Variants in CLCN3 observed in about 807,000 individuals in gnomAD.
The protein encoded by CLCN3 is Cl-/H+ antiporter 3.
In CLCN3, 16 loss-of-function variants were observed where a neutral mutation model predicts 83.4. The observed-to-expected ratio is 0.19, with a 90% CI of 0.13 to 0.29. The LOEUF is 0.29. Ranked by LOEUF, CLCN3 falls within the 10% of genes least tolerant of loss-of-function variation. The probability of loss-of-function intolerance (pLI) is 1.00; values close to 1 mark genes in which losing one functional copy is unlikely to be tolerated. For synonymous variants in CLCN3, 322 were observed against 346.2 expected, an observed-to-expected ratio of 0.93 and a Z score of 0.78; for missense variants, 544 against 1,006.0, an observed-to-expected ratio of 0.54 and a Z score of 6.21.
At chr4:169,675,934 A>G (rs1302626898) in intron 2 of CLCN3, among the ~76,000 whole-genome samples, 1 of 152,182 alleles carries the variant, frequency 6.6e-6, no homozygotes, top group African/African-American at 2.4e-5. Flanking sequence ...AGCTGTCTCT[A>G]TGGTTCTATG....
chr4:169,631,675 G>A (rs1035269957), intron 1 of CLCN3, among the ~76,000 whole-genome samples: 2 of 152,066 alleles, frequency 1.3e-5, no homozygotes, highest in South Asian at 2.1e-4. Flanking sequence ...TTTGTCAGAC[G>A]TTAGCTAGAT....
chr4:169,623,745 A>C (rs1159351503), intron 1 of CLCN3, among the ~76,000 whole-genome samples: 1 of 151,302 alleles, frequency 6.6e-6, no homozygotes, highest in African/African-American at 2.4e-5. Flanking sequence ...TAGATTTTAC[A>C]CATATGTGAG....
intron 2 of CLCN3, among the ~76,000 whole-genome samples, chr4:169,644,913 G>C (rs1006919658): frequency 6.6e-6 from 1 of 152,112 alleles, no homozygotes; most frequent in Non-Finnish European, 1.5e-5. Context: ...GCCATAATCC[G>C]AGGAATGAAA....
intron 2 of CLCN3, among the ~76,000 whole-genome samples, chr4:169,636,881 C>T (rs10023330): frequency 0.24 from 35,695 of 151,448 alleles, 4,391 homozygotes; most frequent in South Asian, 0.31. Flanking sequence ...ATATGTATAT[C>T]TCAGCATTAT....
intron 1 of CLCN3, among the ~76,000 whole-genome samples, chr4:169,634,973 G>T (rs1281552879): frequency 1.3e-5 from 2 of 152,130 alleles, no homozygotes; most frequent in African/African-American, 4.8e-5. Context: ...GCTCTTTGAG[G>T]TTATCTTTCC....
intron 2 of CLCN3, among the ~76,000 whole-genome samples, chr4:169,669,962 TG>T (rs1731396395): frequency 6.6e-6 from 1 of 152,214 alleles, no homozygotes; most frequent in East Asian, 1.9e-4. Flanking sequence ...CACTTTTTGA[TG>T]GGGTTGTTTG....
At chr4:169,718,389 A>G (rs1733505853) in intron 12 of CLCN3, among the ~76,000 whole-genome samples, 1 of 152,154 alleles carries the variant, frequency 6.6e-6, no homozygotes, top group Non-Finnish European at 1.5e-5. Context: ...CACACTAACT[A>G]GAGTGTAATG....
rs763134639 is a variant in CLCN3 at position 169,713,313 on chromosome 4, G to A, written c.2366+18G>A. The A allele has an allele frequency of 1.1e-5, 17 of 1,569,848 alleles. No individual in the cohort carries two copies. In the African/African-American group the frequency reaches 1.9e-4, roughly 18 times the overall value. ...CACAATGGGTAAGTCTGGTACCACA[G>A]GAATCAGTTCACTTGCTAGAATATA... On this transcript the variant is annotated intron_variant, in intron 12 of 12. Transcript: ENST00000513761.
chr4:169,639,957 G>A (rs749552374), intron 2 of CLCN3, among the ~76,000 whole-genome samples: 2 of 152,002 alleles, frequency 1.3e-5, no homozygotes, highest in Non-Finnish European at 2.9e-5. Context: ...TCTAACTTTT[G>A]GCAAGTCACA....
chr4:169,694,976 G>A (rs1560863731), intron 7 of CLCN3, among the ~76,000 whole-genome samples: 1 of 152,214 alleles, frequency 6.6e-6, no homozygotes, highest in African/African-American at 2.4e-5. Context: ...GGGAGCTGGA[G>A]AGAGGACACG....
intron 2 of CLCN3, among the ~76,000 whole-genome samples, chr4:169,676,504 T>A (rs1169236668): frequency 1.4e-5 from 2 of 139,842 alleles, no homozygotes; most frequent in African/African-American, 5.0e-5. Context: ...CTAAACTCTT[T>A]TTCTTTTCTT....
chr4:169,704,359 C>T (rs1272660943), intron 10 of CLCN3, among the ~76,000 whole-genome samples, 175 bp downstream of exon 10: 5 of 152,046 alleles, frequency 3.3e-5, no homozygotes, highest in African/African-American at 9.7e-5. Flanking sequence ...TATACAGTAC[C>T]GGTTTTCTGT....
At chr4:169,653,066 C>T (rs963597688) in intron 2 of CLCN3, among the ~76,000 whole-genome samples, 1 of 152,094 alleles carries the variant, frequency 6.6e-6, no homozygotes, top group African/African-American at 2.4e-5. Flanking sequence ...AACAAATATT[C>T]TTAGTTGTAA....
At chr4:169,675,551 A>G (rs992738271) in intron 2 of CLCN3, among the ~76,000 whole-genome samples, 1 of 152,196 alleles carries the variant, frequency 6.6e-6, no homozygotes, top group Non-Finnish European at 1.5e-5. Context: ...CTTATATTCT[A>G]TATCAAATAA....
At chr4:169,653,199 G>A (rs1246518787) in intron 2 of CLCN3, among the ~76,000 whole-genome samples, 5 of 151,966 alleles carry the variant, frequency 3.3e-5, no homozygotes, top group Admixed American at 1.3e-4. Context: ...GAGCTTTGCC[G>A]TTTACATTTA....
intron 2 of CLCN3, chr4:169,663,541 T>C: frequency 3.0e-6 from 1 of 331,316 alleles, no homozygotes; most frequent in South Asian, 2.2e-5. Flanking sequence ...AGTCTCACTA[T>C]GTTGTCCAGG....
intron 2 of CLCN3, among the ~76,000 whole-genome samples, chr4:169,664,758 A>G (rs1422650747): frequency 6.6e-6 from 1 of 152,244 alleles, no homozygotes; most frequent in Admixed American, 6.5e-5. Context: ...AAAATAGCTG[A>G]CACTTTAGTA....
chr4:169,703,926 TGC>T (rs1488047846), intron 9 of CLCN3, 70 bp from the exon 10 acceptor site: 47 of 1,388,962 alleles, frequency 3.4e-5, no homozygotes, highest in Admixed American at 5.4e-5. Context: ...TAGAAATAAA[TGC>T]ATAGAATGTA....
chr4:169,709,109 A>T (rs985207462), intron 11 of CLCN3, among the ~76,000 whole-genome samples: 1 of 148,556 alleles, frequency 6.7e-6, no homozygotes, highest in African/African-American at 2.4e-5. Context: ...TACATTATAT[A>T]TATAGAAAAC....
Sources: allele counts gnomAD v4.1 joint callset (sites outside exome capture counted in the v4.1 genomes callset), GRCh38; gene constraint gnomAD v4.1.1; transcripts MANE v1.5; gene names NCBI Gene and HGNC (gene_info 2026-07-23, HGNC 2026-07-21).